The following TASP1 variants were observed in gnomAD, a reference collection of about 807,000 sequenced individuals.
TASP1 encodes threonine aspartase 1.
TASP1 carries 16 observed loss-of-function variants against 56.6 expected under a neutral mutation model. The ratio of observed to expected loss-of-function variants is 0.28; its 90% CI spans 0.19 to 0.43. The LOEUF (loss-of-function observed/expected upper bound fraction) is 0.43. Ranked by LOEUF, TASP1 falls within the 20% of genes least tolerant of loss-of-function variation. TASP1 has a pLI of 1.00. For missense variants in TASP1, 393 were observed against 511.6 expected, an observed-to-expected ratio of 0.77 and a Z score of 2.24; for synonymous variants, 179 against 184.2, an observed-to-expected ratio of 0.97 and a Z score of 0.23.
intron 10 of TASP1, among the ~76,000 whole-genome samples, chr20:13,502,840 C>G (rs981924601): frequency 1.3e-5 from 2 of 152,142 alleles, no homozygotes; most frequent in African/African-American, 4.8e-5. Context: ...AGTTTTAGCA[C>G]ACAGTTGGAG....
chr20:13,320,949 A>G, the TASP1 span, among the ~76,000 whole-genome samples: 1 of 152,134 alleles, frequency 6.6e-6, no homozygotes, highest in Non-Finnish European at 1.5e-5. Context: ...CTGTAATCCC[A>G]GTACTTTGGG....
At chr20:13,405,013 C>T (rs2041866612) in intron 13 of TASP1, among the ~76,000 whole-genome samples, 1 of 152,090 alleles carries the variant, frequency 6.6e-6, no homozygotes, top group South Asian at 2.1e-4. Flanking sequence ...AGTTATACCC[C>T]AATAACCTTG....
At chr20:13,192,994 C>A in the TASP1 span, among the ~76,000 whole-genome samples, 1 of 152,140 alleles carries the variant, frequency 6.6e-6, no homozygotes, top group Non-Finnish European at 1.5e-5. Flanking sequence ...GACACCTGTA[C>A]TTCATATGAA....
the TASP1 span, among the ~76,000 whole-genome samples, chr20:13,141,916 G>A: frequency 3.3e-5 from 5 of 152,192 alleles, no homozygotes; most frequent in Admixed American, 1.3e-4. Flanking sequence ...AGCAATCAAG[G>A]TGACAGACAT....
chr20:13,467,750 C>A (rs6131477), intron 11 of TASP1, among the ~76,000 whole-genome samples: 1 of 152,122 alleles, frequency 6.6e-6, no homozygotes, highest in African/African-American at 2.4e-5. Context: ...GGTGCAGTGG[C>A]TCATGACTGT....
the TASP1 span, chr20:13,159,899 AG>A: frequency 4.9e-6 from 7 of 1,416,462 alleles, no homozygotes; most frequent in African/African-American, 7.1e-5. Flanking sequence ...AAAAGAAAAA[AG>A]AAAAAAGAAA....
At chr20:13,459,868 C>T (rs538084503) in intron 11 of TASP1, among the ~76,000 whole-genome samples, 2 of 152,174 alleles carry the variant, frequency 1.3e-5, no homozygotes, top group South Asian at 4.1e-4. Flanking sequence ...TCACCTCTGC[C>T]CGAACACACA....
downstream of TASP1, among the ~76,000 whole-genome samples, chr20:13,384,521 G>C (rs921175336): frequency 6.6e-6 from 1 of 152,132 alleles, no homozygotes; most frequent in African/African-American, 2.4e-5. Flanking sequence ...AAGATTGCCT[G>C]GTCAATTTGG....
At chr20:13,436,349 T>TAAA (rs376918473) in intron 11 of TASP1, among the ~76,000 whole-genome samples, 6 of 141,818 alleles carry the variant, frequency 4.2e-5, no homozygotes, top group African/African-American at 1.3e-4. Context: ...AGGGTTGTTT[T>TAAA]AAAAAAAAAA....
intron 8 of TASP1, among the ~76,000 whole-genome samples, chr20:13,548,496 T>C (rs1568569388): frequency 6.6e-6 from 1 of 152,044 alleles, no homozygotes; most frequent in Non-Finnish European, 1.5e-5. Flanking sequence ...TAAACCTTCA[T>C]TAAATAGCTG....
At chr20:13,457,959 A>G (rs79302444) in intron 11 of TASP1, among the ~76,000 whole-genome samples, 5,690 of 152,270 alleles carry the variant, frequency 0.037, 133 homozygotes, top group African/African-American at 0.059. Context: ...TCACTGTGAA[A>G]TTCATTTTTT....
chr20:13,213,939 C>T, the TASP1 span, among the ~76,000 whole-genome samples: 1 of 152,156 alleles, frequency 6.6e-6, no homozygotes, highest in Admixed American at 6.6e-5. Flanking sequence ...GTTAATGGCA[C>T]AAAAGACCAA....
chr20:13,166,054 A>G, the TASP1 span: 3 of 152,790 alleles, frequency 2.0e-5, no homozygotes, highest in South Asian at 6.2e-4. Context: ...GAAAAAGCCC[A>G]TGGAGAACCT....
intron 4 of TASP1, among the ~76,000 whole-genome samples, chr20:13,589,059 T>C (rs938777056): frequency 5.5e-5 from 8 of 145,622 alleles, no homozygotes; most frequent in Non-Finnish European, 1.1e-4. Flanking sequence ...TTTCGTGGGT[T>C]TTTTTTTTTT....
the TASP1 span, among the ~76,000 whole-genome samples, chr20:13,207,142 T>G: frequency 6.6e-6 from 1 of 152,214 alleles, no homozygotes; most frequent in Non-Finnish European, 1.5e-5. Context: ...TAGTGGCATA[T>G]CTGCAGAACA....
intron 8 of TASP1, among the ~76,000 whole-genome samples, chr20:13,552,069 A>G (rs1456508616): frequency 6.6e-6 from 1 of 152,244 alleles, no homozygotes; most frequent in African/African-American, 2.4e-5. Flanking sequence ...ACAGAAAAAT[A>G]GTCCTTGCTT....
At chr20:13,368,802 C>G in the TASP1 span, 4 of 152,382 alleles carry the variant, frequency 2.6e-5, no homozygotes, top group Non-Finnish European at 5.9e-5. Context: ...ACACACCAGC[C>G]ACCTGCAGGA....
At chr20:13,466,066 T>C (rs1430950425) in intron 11 of TASP1, among the ~76,000 whole-genome samples, 1 of 152,142 alleles carries the variant, frequency 6.6e-6, no homozygotes, top group Non-Finnish European at 1.5e-5. Context: ...TATAGCCTAG[T>C]TGTGACATTC....
At chr20:13,359,007 C>A in the TASP1 span, among the ~76,000 whole-genome samples, 2 of 150,602 alleles carry the variant, frequency 1.3e-5, no homozygotes, top group African/African-American at 5.0e-5. Flanking sequence ...CCCCTCAACC[C>A]CTTCTCCTTC....
Sources: allele counts gnomAD v4.1 joint callset (sites outside exome capture counted in the v4.1 genomes callset), GRCh38; gene constraint gnomAD v4.1.1; transcripts MANE v1.5; gene names NCBI Gene and HGNC (gene_info 2026-07-23, HGNC 2026-07-21).